USH2A: variants seen among roughly 807,000 people sequenced by gnomAD.
The protein encoded by USH2A is Usher syndrome 2A (autosomal recessive, mild).
Under a neutral mutation model 538.9 loss-of-function variants are expected in USH2A, and 443 were observed. That is an observed-to-expected ratio of 0.82 (90% CI 0.76 to 0.89). The LOEUF (loss-of-function observed/expected upper bound fraction) is 0.89. USH2A is among the 40% of genes least tolerant of loss of function. The probability of loss-of-function intolerance (pLI) is 0.00; values close to 1 mark genes in which losing one functional copy is unlikely to be tolerated. For missense variants in USH2A, 6,633 were observed against 6,324.8 expected (o/e 1.05, Z -1.65); for synonymous variants, 2,413 against 2,273.5 (o/e 1.06, Z -1.75).
chr1:215,694,746 A>C (rs1311407416), intron 61 of USH2A, among the ~76,000 whole-genome samples: 1 of 152,204 alleles, frequency 6.6e-6, no homozygotes, highest in Non-Finnish European at 1.5e-5. Context: ...CCACTTCCTA[A>C]TAACATCACA....
At chr1:216,187,215 T>C (rs910625177) in intron 20 of USH2A, among the ~76,000 whole-genome samples, 12 of 151,938 alleles carry the variant, frequency 7.9e-5, no homozygotes, top group African/African-American at 2.9e-4. Context: ...ATAGCATTTT[T>C]TTCACCTTTC....
At chr1:216,083,737 TG>T in intron 25 of USH2A, 151 bp from the exon 26 acceptor site, 1 of 745,848 alleles carries the variant, frequency 1.3e-6, no homozygotes, top group South Asian at 2.1e-5. Context: ...CTTTTGTAAT[TG>T]CACAGAAGTG....
At position 215,758,656 on chromosome 1, in the gene USH2A, A is replaced by C. The variant is rs749726310; in HGVS notation, c.11328T>G (p.Tyr3776Ter). The C allele has an allele frequency of 2.5e-6, 4 of 1,613,726 alleles. No homozygotes were observed. In the East Asian group the frequency reaches 8.9e-5, roughly 36 times the overall value. Residue 3776 changes from tyrosine to a stop codon, truncating the protein, a stop_gained, in exon 58 of 72, where the codon TAT becomes TAG. Coordinates refer to ENST00000307340, the MANE Select transcript of USH2A (RefSeq NM_206933.4). LOFTEE classifies it high-confidence loss of function. ...CAATTACTGTGATATTATATGGAGG[A>C]TAGATTTCTTCTGGTGTTGACATAG... ...QTPMSTPEEI[Y>*]PPYNITVIGP...
intron 38 of USH2A, among the ~76,000 whole-genome samples, chr1:215,911,148 C>T (rs1280674617): frequency 6.6e-6 from 1 of 151,836 alleles, no homozygotes. Flanking sequence ...GTGAAACAAG[C>T]ACATCATGGA....
intron 21 of USH2A, among the ~76,000 whole-genome samples, chr1:216,126,935 G>A (rs1306326987): frequency 2.0e-5 from 3 of 152,146 alleles, no homozygotes; most frequent in East Asian, 3.9e-4. Context: ...CTTCTATAAT[G>A]TATGTTTGAT....
intron 32 of USH2A, among the ~76,000 whole-genome samples, chr1:216,038,199 C>T (rs1016123514): frequency 5.9e-5 from 9 of 151,982 alleles, no homozygotes; most frequent in East Asian, 3.9e-4. Flanking sequence ...TGTAAACTGC[C>T]GATCTCTTTG....
chr1:215,645,971 T>C (rs1656839135), intron 67 of USH2A, among the ~76,000 whole-genome samples: 1 of 152,114 alleles, frequency 6.6e-6, no homozygotes, highest in South Asian at 2.1e-4. Flanking sequence ...GAATATTGTA[T>C]AGCCATTAAA....
chr1:215,927,085 G>A (rs1666256544), intron 38 of USH2A, among the ~76,000 whole-genome samples: 1 of 152,072 alleles, frequency 6.6e-6, no homozygotes, highest in Non-Finnish European at 1.5e-5. Context: ...GTCAATTGTG[G>A]TTGTCATTAT....
intron 4 of USH2A, among the ~76,000 whole-genome samples, chr1:216,356,858 T>G (rs73100640): frequency 0.011 from 1,722 of 152,262 alleles, 29 homozygotes; most frequent in African/African-American, 0.039. Context: ...TTAAGTAGTT[T>G]TCGCATTTTT....
intron 32 of USH2A, among the ~76,000 whole-genome samples, chr1:216,043,784 G>C (rs1200841940): frequency 1.3e-5 from 2 of 152,026 alleles, no homozygotes; most frequent in Admixed American, 1.3e-4. Context: ...GTACATTTTG[G>C]AAAGAGTCAA....
intron 56 of USH2A, among the ~76,000 whole-genome samples, chr1:215,762,521 G>A (rs1437934579): frequency 6.6e-6 from 1 of 152,140 alleles, no homozygotes; most frequent in East Asian, 1.9e-4. Flanking sequence ...ATAACTCCAT[G>A]CCCATTGGTT....
At chr1:216,051,865 C>T (rs984571581) in intron 30 of USH2A, among the ~76,000 whole-genome samples, 1 of 152,136 alleles carries the variant, frequency 6.6e-6, no homozygotes, top group African/African-American at 2.4e-5. Context: ...TTATAAAATT[C>T]CTTATACTAA....
chr1:215,826,918 C>T (rs1663173156), intron 47 of USH2A, among the ~76,000 whole-genome samples: 1 of 152,028 alleles, frequency 6.6e-6, no homozygotes, highest in South Asian at 2.1e-4. Flanking sequence ...GTTTAATAAA[C>T]TTAGGGGATT....
chr1:215,640,324 G>T (rs80269349), intron 68 of USH2A, among the ~76,000 whole-genome samples: 1 of 152,182 alleles, frequency 6.6e-6, no homozygotes, highest in Non-Finnish European at 1.5e-5. Flanking sequence ...CTCCAGTCCT[G>T]TGGAGGCAGC....
At chr1:216,368,633 T>C (rs1287703451) in intron 3 of USH2A, among the ~76,000 whole-genome samples, 3 of 152,228 alleles carry the variant, frequency 2.0e-5, no homozygotes, top group Admixed American at 6.5e-5. Context: ...GGAGCTTGTA[T>C]GTATGATGAC....
intron 32 of USH2A, among the ~76,000 whole-genome samples, chr1:216,021,784 T>G (rs1200226214): frequency 6.6e-6 from 1 of 152,162 alleles, no homozygotes. Flanking sequence ...TAAGATATAT[T>G]TAGATCTGCC....
chr1:215,664,734 T>C (rs999314309), intron 64 of USH2A, among the ~76,000 whole-genome samples: 2 of 152,114 alleles, frequency 1.3e-5, no homozygotes, highest in Admixed American at 1.3e-4. Flanking sequence ...TTAGGTTGCA[T>C]AGGGTGGAGC....
chr1:216,142,425 A>G (rs1558280664), intron 21 of USH2A, among the ~76,000 whole-genome samples: 1 of 152,230 alleles, frequency 6.6e-6, no homozygotes, highest in South Asian at 2.1e-4. Context: ...TTTCTCCACA[A>G]TAGAAATCAT....
At chr1:216,378,577 G>A (rs1284977994) in intron 3 of USH2A, among the ~76,000 whole-genome samples, 3 of 151,998 alleles carry the variant, frequency 2.0e-5, no homozygotes, top group South Asian at 2.1e-4. Context: ...GAGAGCCCCC[G>A]AATACCCACA....
Sources: gnomAD v4.1 joint callset for allele counts (sites outside exome capture counted in the v4.1 genomes callset) on GRCh38, gnomAD v4.1.1 for gene constraint, MANE v1.5 for transcripts, NCBI Gene and HGNC (gene_info 2026-07-23, HGNC 2026-07-21) for gene names.